The following NAA11 variants were observed in gnomAD, a reference collection of about 807,000 sequenced individuals.
NAA11 encodes the protein N-alpha-acetyltransferase 11.
In NAA11, 15 loss-of-function variants were observed where a neutral mutation model predicts 16.1. That is an observed-to-expected ratio of 0.93 (90% CI 0.62 to 1.44). NAA11 has a LOEUF of 1.44. NAA11 is among the 40% of genes most tolerant of loss of function. The pLI, the probability that NAA11 is intolerant of heterozygous loss-of-function variation, is 0.00. For missense variants in NAA11, 298 were observed against 291.3 expected (o/e 1.02, Z -0.17); for synonymous variants, 122 against 112.4 (o/e 1.09, Z -0.54).
chr4:79,288,251 A>G (rs187098957), intron 2 of NAA11, among the ~76,000 whole-genome samples: 3 of 152,336 alleles, frequency 2.0e-5, no homozygotes, highest in Admixed American at 2.0e-4. Context: ...TAGCAGAAAC[A>G]GAAAAGTAAT....
chr4:79,243,829 A>G (rs1721746360), intron 2 of NAA11, among the ~76,000 whole-genome samples: 1 of 152,258 alleles, frequency 6.6e-6, no homozygotes, highest in Non-Finnish European at 1.5e-5. Context: ...AAGAGGGTAC[A>G]TGAATATCAA....
the NAA11 span, among the ~76,000 whole-genome samples, chr4:79,214,800 AAAAAAT>A: frequency 7.2e-5 from 11 of 152,056 alleles, no homozygotes; most frequent in Admixed American, 2.0e-4. Flanking sequence ...TCCATCTAAA[AAAAAAT>A]AAAAATAAAA....
the NAA11 span, among the ~76,000 whole-genome samples, chr4:79,199,465 TG>T: frequency 1.3e-5 from 2 of 151,896 alleles, no homozygotes; most frequent in Admixed American, 1.3e-4. Context: ...TCTGTGAACT[TG>T]TGCTCTAACT....
chr4:79,255,993 G>A (rs1722100766), intron 2 of NAA11, among the ~76,000 whole-genome samples: 1 of 152,134 alleles, frequency 6.6e-6, no homozygotes, highest in African/African-American at 2.4e-5. Context: ...ATGGCTCGCT[G>A]GCGGTTGGGT....
At chr4:79,251,461 C>G (rs996052665) in intron 2 of NAA11, among the ~76,000 whole-genome samples, 1 of 152,110 alleles carries the variant, frequency 6.6e-6, no homozygotes, top group African/African-American at 2.4e-5. Context: ...ACAACAGACA[C>G]TGGGGCCTAC....
chr4:79,189,145 C>CAAAAAAAAAGAAAAAAA, the NAA11 span, among the ~76,000 whole-genome samples: 1 of 42,282 alleles, frequency 2.4e-5, no homozygotes, highest in Non-Finnish European at 4.8e-5. Context: ...GACTCCATCT[C>CAAAAAAAAAGAAAAAAA]AAAAAAAAAA....
chr4:79,206,750 A>G, the NAA11 span, among the ~76,000 whole-genome samples: 4 of 152,150 alleles, frequency 2.6e-5, no homozygotes, highest in Non-Finnish European at 5.9e-5. Context: ...GGACACAGCA[A>G]TAAGGTAGAT....
the NAA11 span, among the ~76,000 whole-genome samples, chr4:79,214,120 G>C: frequency 2.0e-5 from 3 of 152,182 alleles, no homozygotes; most frequent in Non-Finnish European, 4.4e-5. Flanking sequence ...GCCAGTTGCT[G>C]ATCATGAGTA....
the NAA11 span, among the ~76,000 whole-genome samples, chr4:79,197,951 G>A: frequency 1.3e-5 from 2 of 149,028 alleles, no homozygotes; most frequent in Non-Finnish European, 3.0e-5. Context: ...GAAAGGTTAT[G>A]CGAGGTAAGT....
At chr4:79,280,867 C>G (rs1451491112) in intron 2 of NAA11, among the ~76,000 whole-genome samples, 1 of 152,016 alleles carries the variant, frequency 6.6e-6, no homozygotes, top group African/African-American at 2.4e-5. Flanking sequence ...ATAGGGACTA[C>G]ATTGAGGAAA....
chr4:79,254,893 G>T (rs187480580), intron 2 of NAA11, among the ~76,000 whole-genome samples: 1 of 151,912 alleles, frequency 6.6e-6, no homozygotes, highest in African/African-American at 2.4e-5. Context: ...TCATAAGTTG[G>T]TATTATTATC....
chr4:79,312,741 C>T (rs1324884945), downstream of NAA11, among the ~76,000 whole-genome samples: 1 of 151,386 alleles, frequency 6.6e-6, no homozygotes, highest in Non-Finnish European at 1.5e-5. Flanking sequence ...CTTCCCACAT[C>T]AGCCTCCTGA....
downstream of NAA11, among the ~76,000 whole-genome samples, chr4:79,315,682 T>TA (rs879768022): frequency 4.0e-3 from 570 of 143,022 alleles, 4 homozygotes; most frequent in Admixed American, 0.012. Flanking sequence ...CCTTCAGAAT[T>TA]AAAAAAAAAA....
chr4:79,170,525 C>T, the NAA11 span, among the ~76,000 whole-genome samples: 1 of 152,112 alleles, frequency 6.6e-6, no homozygotes, highest in African/African-American at 2.4e-5. Context: ...GATACCCTGG[C>T]AGAAGCTAGA....
chr4:79,286,865 A>T (rs1560449499), intron 2 of NAA11, among the ~76,000 whole-genome samples: 1 of 152,082 alleles, frequency 6.6e-6, no homozygotes, highest in Non-Finnish European at 1.5e-5. Context: ...TTGACATCAT[A>T]ACATTTTGCC....
At chr4:79,244,626 C>T (rs1227436392) in intron 2 of NAA11, 2 of 33,306 alleles carry the variant, frequency 6.0e-5, no homozygotes, top group Non-Finnish European at 7.9e-5. Flanking sequence ...CTCTCCCCCT[C>T]CCCCTCCCCC....
the NAA11 span, among the ~76,000 whole-genome samples, chr4:79,173,699 G>A: frequency 2.6e-5 from 4 of 152,122 alleles, no homozygotes; most frequent in South Asian, 4.2e-4. Context: ...GGAGAACAAC[G>A]GCTGGGAGGG....
At chr4:79,290,265 C>T (rs1242701825) in intron 2 of NAA11, among the ~76,000 whole-genome samples, 3 of 151,978 alleles carry the variant, frequency 2.0e-5, no homozygotes, top group Non-Finnish European at 2.9e-5. Context: ...GAGGAAGATA[C>T]GGCATAGATA....
At chr4:79,180,329 T>G in the NAA11 span, among the ~76,000 whole-genome samples, 1 of 152,202 alleles carries the variant, frequency 6.6e-6, no homozygotes, top group Non-Finnish European at 1.5e-5. Context: ...GTGTTTTCTC[T>G]AAAAGTGAAA....
Sources: gnomAD v4.1 joint callset for allele counts (sites outside exome capture counted in the v4.1 genomes callset) on GRCh38, gnomAD v4.1.1 for gene constraint, MANE v1.5 for transcripts, NCBI Gene and HGNC (gene_info 2026-07-23, HGNC 2026-07-21) for gene names.